Variants in FAH observed in about 807,000 individuals in gnomAD.
FAH encodes the protein fumarylacetoacetate hydrolase.
FAH carries 47 observed loss-of-function variants against 55.8 expected under a neutral mutation model. The observed-to-expected ratio is 0.84, with a 90% CI of 0.67 to 1.07. The LOEUF is 1.07. Among genes scored for constraint, FAH ranks in the 50% least tolerant of loss-of-function variants. The probability of loss-of-function intolerance (pLI) is 0.00; values close to 1 mark genes in which losing one functional copy is unlikely to be tolerated. For missense variants in FAH, 495 were observed against 545.9 expected (o/e 0.91, Z 0.93); for synonymous variants, 199 against 207.7 (o/e 0.96, Z 0.36).
intron 8 of FAH, among the ~76,000 whole-genome samples, chr15:80,172,553 A>G (rs2041250313): frequency 1.3e-5 from 2 of 152,194 alleles, no homozygotes; most frequent in Non-Finnish European, 2.9e-5. Context: ...GCTGATCCCT[A>G]CACGGTATGT....
At chr15:80,179,176 C>T (rs58626166) in intron 11 of FAH, among the ~76,000 whole-genome samples, 18,151 of 152,206 alleles carry the variant, frequency 0.12, 1,420 homozygotes, top group African/African-American at 0.23. Flanking sequence ...TCCTCGTCAG[C>T]TCTGGTGGTG....
chr15:80,159,887 A>T lies in FAH; in HGVS notation c.314+10A>T. 2 of 1,614,008 alleles carry T rather than the reference A, an allele frequency of 1.2e-6. No individual in the cohort carries two copies. Among genetic ancestry groups the T allele is most frequent in the Non-Finnish European group, 1.7e-6 (2 of 1,179,966 alleles). The stretch of plus-strand genomic sequence containing the variant: ...CCGAACTTCGGAAGTGGTGAGAAGC[A>T]CGTGGTCATAGGGGGGATGAGGGGA... On this transcript the variant is annotated intron_variant, in intron 3 of 13. Transcript: ENST00000561421.
chr15:80,176,162 A>G (rs1273435476), intron 10 of FAH, among the ~76,000 whole-genome samples: 1 of 152,034 alleles, frequency 6.6e-6, no homozygotes, highest in Non-Finnish European at 1.5e-5. Flanking sequence ...GATTACAGGC[A>G]TGCGCCACCA....
intron 4 of FAH, among the ~76,000 whole-genome samples, chr15:80,161,651 A>C (rs1472843009): frequency 6.6e-6 from 1 of 152,226 alleles, no homozygotes; most frequent in African/African-American, 2.4e-5. Context: ...GCACTCGGGC[A>C]GAGTCCAAGA....
At chr15:80,165,210 G>T (rs973322527) in intron 5 of FAH, among the ~76,000 whole-genome samples, 1 of 152,098 alleles carries the variant, frequency 6.6e-6, no homozygotes, top group Non-Finnish European at 1.5e-5. Flanking sequence ...GGCCAATATG[G>T]TGAAACCCTG....
chr15:80,160,254 A>T (rs892555309), intron 3 of FAH, 156 bp from the exon 4 acceptor site: 2 of 767,734 alleles, frequency 2.6e-6, no homozygotes, highest in African/African-American at 3.4e-5. Context: ...ATGTCCTCTC[A>T]GCTGTGAAAG....
At chr15:80,181,666 G>C (rs943423935) in intron 13 of FAH, among the ~76,000 whole-genome samples, 3 of 152,164 alleles carry the variant, frequency 2.0e-5, no homozygotes, top group Non-Finnish European at 4.4e-5. Flanking sequence ...GGTTCAAGTT[G>C]AACTCCCAGG....
At position 80,172,138 on chromosome 15, in the gene FAH, C is replaced by T. The variant is rs1263544323; in HGVS notation, c.607-11C>T. 6.2e-7 allele frequency: 1 copy of T among 1,602,978 alleles called. No individual in the cohort carries two copies. The highest frequency in any genetic ancestry group is 8.5e-7 in the Non-Finnish European group (1 of 1,169,926). ...CAGCTCCAGATTCTAATGAACTCTC[C>T]CCCATGTAAGGCTTTTTTTGTAGGC... is the stretch of plus-strand genomic sequence containing the variant. On this transcript the variant is annotated splice_polypyrimidine_tract_variant and intron_variant, in intron 7 of 13. Transcript: ENST00000561421.
In FAH at chr15:80,186,258, C is replaced by A. The variant is rs755736456; in HGVS notation, c.*49C>A. 1 of 1,091,112 alleles carries A rather than the reference C, an allele frequency of 9.2e-7. No individual in the cohort carries two copies. Among genetic ancestry groups the A allele is most frequent in the Non-Finnish European group, 1.3e-6 (1 of 772,360 alleles). The allele number at this position is 1,091,112 out of a possible 1,614,324, so 67.6% of individuals were successfully genotyped here. ...CAAAGGGCTCAAGCACCCCTTTCAA[C>A]CCTGTGACTGGGGTCCTCCCTCGGG... is the stretch of plus-strand genomic sequence containing the variant. On this transcript the variant is annotated 3_prime_UTR_variant, in exon 14 of 14. Transcript: ENST00000561421.
intron 11 of FAH, among the ~76,000 whole-genome samples, chr15:80,178,506 C>G (rs961115420): frequency 2.0e-5 from 3 of 152,046 alleles, no homozygotes; most frequent in Admixed American, 2.0e-4. Flanking sequence ...GAGATTCAAC[C>G]CTGTTGCTCT....
At chr15:80,160,971 C>T (rs922068499) in intron 4 of FAH, among the ~76,000 whole-genome samples, 1 of 152,228 alleles carries the variant, frequency 6.6e-6, no homozygotes, top group Non-Finnish European at 1.5e-5. Flanking sequence ...GTCTCCTCTG[C>T]TGGGCTACCT....
At position 80,162,242 on chromosome 15, in the gene FAH, G is replaced by T. The variant is rs2041155157; in HGVS notation, c.365-4G>T. 3.1e-6 allele frequency: 5 copies of T among 1,612,912 alleles called. No individual in the cohort carries two copies. The highest frequency in any genetic ancestry group is 1.1e-5 in the South Asian group (1 of 91,048). On this transcript the variant is annotated splice_polypyrimidine_tract_variant and splice_region_variant and intron_variant, in intron 4 of 13. Coordinates refer to ENST00000561421, the MANE Select transcript of FAH (RefSeq NM_000137.4). ...ATGGGATCTGTTGGGTCTTTCCTCT[G>T]CAGGAGACTACACAGACTTCTATTC...
Position 80,160,953 on chromosome 15 carries a change from G to A in FAH, c.364+494G>A, listed in dbSNP as rs78465747. On this transcript the variant is annotated intron_variant, in intron 4 of 13. Transcript: ENST00000561421. ...GGCCCAAAGCACAGCCCTCTTCCTT[G>A]TGCACAGGTCTCCTCTGCTGGGCTA... Among the ~76,000 whole-genome samples, 3,695 of 152,278 alleles carry A rather than the reference G, an allele frequency of 0.024. 290 individuals carry two copies. The East Asian group carries it at 0.26, about 11-fold the overall frequency.
intron 7 of FAH, among the ~76,000 whole-genome samples, chr15:80,170,222 G>A (rs2041228510): frequency 6.6e-6 from 1 of 152,268 alleles, no homozygotes; most frequent in Non-Finnish European, 1.5e-5. Context: ...AATGCAGACA[G>A]GCAGATGGAG....
intron 7 of FAH, 117 bp downstream of exon 7, chr15:80,168,433 C>A: frequency 1.0e-6 from 1 of 997,230 alleles, no homozygotes; most frequent in Non-Finnish European, 1.6e-6. Flanking sequence ...GCCACATCGG[C>A]AGCCGCTCTG....
intron 1 of FAH, chr15:80,156,139 G>T: frequency 3.9e-6 from 1 of 254,562 alleles, no homozygotes; most frequent in Non-Finnish European, 7.8e-6. Context: ...AGTAATGGGT[G>T]CCTTCCCAGG....
intron 9 of FAH, among the ~76,000 whole-genome samples, chr15:80,174,711 C>G (rs940807921): frequency 2.6e-5 from 4 of 152,202 alleles, no homozygotes; most frequent in Admixed American, 6.5e-5. Flanking sequence ...CTCGGCCTGT[C>G]TGCTGCCCAC....
intron 5 of FAH, chr15:80,167,074 C>T (rs1415661519): frequency 1.3e-5 from 2 of 150,906 alleles, no homozygotes; most frequent in African/African-American, 4.9e-5. Flanking sequence ...TTTTCTAGTG[C>T]CTGTAATAGC....
intron 5 of FAH, among the ~76,000 whole-genome samples, chr15:80,165,663 C>A (rs2041185747): frequency 2.0e-5 from 3 of 151,812 alleles, no homozygotes. Context: ...CCACTGCACT[C>A]CAGCCTGGGC....
Sources: allele counts gnomAD v4.1 joint callset (sites outside exome capture counted in the v4.1 genomes callset), GRCh38; gene constraint gnomAD v4.1.1; transcripts MANE v1.5; gene names NCBI Gene and HGNC (gene_info 2026-07-23, HGNC 2026-07-21).